PAPSS2: variants seen among roughly 807,000 people sequenced by gnomAD.
PAPSS2 encodes the protein bifunctional 3'-phosphoadenosine 5'-phosphosulfate synthase 2.
PAPSS2 carries 61 observed loss-of-function variants against 66.5 expected under a neutral mutation model. The observed-to-expected ratio is 0.92, with a 90% CI of 0.75 to 1.14. PAPSS2 has a LOEUF of 1.14. PAPSS2 is among the 50% of genes most tolerant of loss of function. The pLI, the probability that PAPSS2 is intolerant of heterozygous loss-of-function variation, is 0.00. For missense variants in PAPSS2, 708 were observed against 789.6 expected, an observed-to-expected ratio of 0.90 and a Z score of 1.24; for synonymous variants, 289 against 287.5, an observed-to-expected ratio of 1.01 and a Z score of -0.05.
In PAPSS2 at chr10:87,743,441, C is replaced by T. The variant is rs529057056; in HGVS notation, c.1291C>T (p.Arg431Cys). Residue 431 changes from arginine to cysteine, a missense_variant, in exon 11 of 13, where the codon CGC becomes TGC. Arg to Cys is a radical substitution (Grantham distance 180, BLOSUM62 -3). Transcript: ENST00000456849. ...NGHALLMQDT[R>C]RRLLERGYKH... ...CCATGCCCTGTTGATGCAGGACACT[C>T]GCCGCAGGCTCCTAGAGAGGGGCTA... is the stretch of plus-strand genomic sequence containing the variant. The T allele has an allele frequency of 1.0e-4, 162 of 1,614,110 alleles. No individual in the cohort carries two copies. The Middle Eastern group carries it at 3.0e-3, about 30-fold the overall frequency.
At chr10:87,690,486 C>T (rs1182667381) in intron 1 of PAPSS2, among the ~76,000 whole-genome samples, 3 of 152,188 alleles carry the variant, frequency 2.0e-5, no homozygotes, top group Non-Finnish European at 4.4e-5. Context: ...GGCAGCATGG[C>T]TTCTGCATAC....
chr10:87,678,355 C>T (rs1178279888), intron 1 of PAPSS2, among the ~76,000 whole-genome samples: 1 of 152,034 alleles, frequency 6.6e-6, no homozygotes, highest in Non-Finnish European at 1.5e-5. Flanking sequence ...GAAGAAAACA[C>T]AGGGAAAACA....
chr10:87,680,042 A>AG (rs930940040), intron 1 of PAPSS2, among the ~76,000 whole-genome samples: 1 of 151,606 alleles, frequency 6.6e-6, no homozygotes, highest in African/African-American at 2.4e-5. Flanking sequence ...AAAAAAAAAA[A>AG]AGTCACTCTC....
intron 7 of PAPSS2, among the ~76,000 whole-genome samples, chr10:87,716,204 G>A (rs1220802562): frequency 8.5e-5 from 13 of 152,154 alleles, no homozygotes; most frequent in Admixed American, 5.9e-4. Flanking sequence ...GATGAGGTCA[G>A]CACATGTTGC....
chr10:87,741,250 G>T lies in PAPSS2; in HGVS notation c.1102G>T (p.Gly368Trp), dbSNP rs773564725. ...HPHIKMVMES[G>W]DWLVGGDLQV... is the part of the protein sequence containing the mutation. ...TTCTTTCTAGATGGTGATGGAAAGT[G>T]GGGACTGGCTGGTTGGTGGAGACCT... The change falls in exon 10 of 13, where the codon GGG becomes TGG. Residue 368 changes from glycine (G) to tryptophan (W), a missense_variant. Physicochemically the swap from Gly to Trp is radical, Grantham distance 184. Coordinates refer to ENST00000456849, the MANE Select transcript of PAPSS2 (RefSeq NM_001015880.2). 1.7e-5 allele frequency: 28 copies of T among 1,613,582 alleles called. No homozygotes were observed. The highest frequency in any genetic ancestry group is 2.2e-5 in the Non-Finnish European group (26 of 1,179,586).
chr10:87,679,967 A>G (rs969854155), intron 1 of PAPSS2, among the ~76,000 whole-genome samples: 1 of 151,238 alleles, frequency 6.6e-6, no homozygotes, highest in Non-Finnish European at 1.5e-5. Context: ...TCAAGGCTGC[A>G]GTGAGCCACC....
chr10:87,663,454 G>A (rs1852779948), intron 1 of PAPSS2, among the ~76,000 whole-genome samples: 1 of 151,988 alleles, frequency 6.6e-6, no homozygotes, highest in Admixed American at 6.6e-5. Flanking sequence ...ACTACCGAAG[G>A]CAAGACATGA....
At chr10:87,711,740 C>T (rs1261571420) in intron 2 of PAPSS2, among the ~76,000 whole-genome samples, 1 of 152,088 alleles carries the variant, frequency 6.6e-6, no homozygotes, top group Non-Finnish European at 1.5e-5. Context: ...TGCAGATCAC[C>T]TTCCCCCCCA....
rs185419577 is a variant in PAPSS2, at chr10:87,746,924, C to T, written c.*954C>T. ...CAGGTGAACAAACTGTGATGATGCA[C>T]ATGTATGTGTTTTGTAAGCTGTGAG... On this transcript the variant is annotated 3_prime_UTR_variant, in exon 13 of 13. Coordinates refer to ENST00000456849, the MANE Select transcript of PAPSS2 (RefSeq NM_001015880.2). The T allele has an allele frequency of 2.2e-4, 34 of 152,264 alleles. No individual in the cohort carries two copies. The East Asian group carries it at 6.0e-3, about 27-fold the overall frequency. 9.4% of individuals were successfully genotyped at this position (152,264 alleles called of 1,614,324 possible). A position where few individuals can be genotyped will look rare whatever the true frequency, so the allele number is the denominator to read the frequency against.
chr10:87,708,638 G>T (rs1589433038), intron 1 of PAPSS2, among the ~76,000 whole-genome samples: 1 of 152,238 alleles, frequency 6.6e-6, no homozygotes, highest in South Asian at 2.1e-4. Flanking sequence ...AAAAGGTCAT[G>T]CAACCAGAAC....
intron 2 of PAPSS2, among the ~76,000 whole-genome samples, chr10:87,712,020 G>T (rs1564720533): frequency 6.6e-6 from 1 of 152,020 alleles, no homozygotes; most frequent in Non-Finnish European, 1.5e-5. Flanking sequence ...ATTTTGGCAG[G>T]TTGTGTTTCT....
intron 9 of PAPSS2, among the ~76,000 whole-genome samples, chr10:87,738,610 A>C (rs1013893268): frequency 6.6e-6 from 1 of 152,140 alleles, no homozygotes; most frequent in African/African-American, 2.4e-5. Context: ...GGGTTTTACC[A>C]TGTTGCCCAG....
chr10:87,745,805 G>A (rs1204725223), intron 12 of PAPSS2, 27 bp from the exon 13 acceptor site: 2 of 1,613,440 alleles, frequency 1.2e-6, no homozygotes, highest in Non-Finnish European at 1.7e-6. Context: ...TACCTACACT[G>A]AGTTCTTTGT....
intron 7 of PAPSS2, among the ~76,000 whole-genome samples, chr10:87,717,746 G>A (rs1853549307): frequency 1.3e-5 from 2 of 151,962 alleles, no homozygotes; most frequent in African/African-American, 4.8e-5. Flanking sequence ...AATTTGTTTT[G>A]TAGAGATAAG....
At position 87,738,686 on chromosome 10, in the gene PAPSS2, A is replaced by C. The variant is rs143189620; in HGVS notation, c.1087-2549A>C. 3.7e-3 allele frequency among the ~76,000 whole-genome samples: 563 copies of C among 152,320 alleles called. 5 individuals carry two copies. Among genetic ancestry groups the C allele is most frequent in the Non-Finnish European group, 5.7e-3 (391 of 68,030 alleles). On this transcript the variant is annotated intron_variant, in intron 9 of 12. Coordinates refer to ENST00000456849, the MANE Select transcript of PAPSS2 (RefSeq NM_001015880.2). ...GGCTCATGCTGGGATTACAGGCGTGAGCCACTGTGCCCAGCCATTTTCTGT... is the reference window on the plus strand; with the variant it reads ...GGCTCATGCTGGGATTACAGGCGTGCGCCACTGTGCCCAGCCATTTTCTGT...
At chr10:87,676,116 C>G (rs1852943418) in intron 1 of PAPSS2, among the ~76,000 whole-genome samples, 1 of 151,690 alleles carries the variant, frequency 6.6e-6, no homozygotes, top group African/African-American at 2.4e-5. Context: ...CTATCCTTGT[C>G]CTGTTTTACC....
intron 1 of PAPSS2, among the ~76,000 whole-genome samples, chr10:87,662,127 G>T (rs117560056): frequency 2.6e-5 from 4 of 152,296 alleles, no homozygotes; most frequent in South Asian, 2.1e-4. Flanking sequence ...ATCTTTTACG[G>T]TCTTATAGGA....
In PAPSS2 at chr10:87,746,028, T is replaced by A. The variant is rs1853934394; in HGVS notation, c.*58T>A. The A allele has an allele frequency of 1.3e-6, 2 of 1,515,724 alleles. No homozygotes were observed. The highest frequency in any genetic ancestry group is 2.7e-5 in the African/African-American group (2 of 72,810). The allele number at this position is 1,515,724 out of a possible 1,614,324, so 93.9% of individuals were successfully genotyped here. A position where few individuals can be genotyped will look rare whatever the true frequency, so the allele number is the denominator to read the frequency against. Reference sequence around the variant, plus strand: ...TCTTTGATTACCTTTTCTATTTTTATGATTAGATGCTTTGTATTAAATTGC... The same window carrying A: ...TCTTTGATTACCTTTTCTATTTTTAAGATTAGATGCTTTGTATTAAATTGC... On this transcript the variant is annotated 3_prime_UTR_variant, in exon 13 of 13. Transcript: ENST00000456849.
At chr10:87,720,697 C>T (rs1024728059) in intron 7 of PAPSS2, among the ~76,000 whole-genome samples, 1 of 151,716 alleles carries the variant, frequency 6.6e-6, no homozygotes, top group Non-Finnish European at 1.5e-5. Context: ...TTATATTTTC[C>T]CCTAAATTTA....
Sources: gnomAD v4.1 joint callset for allele counts (sites outside exome capture counted in the v4.1 genomes callset) on GRCh38, gnomAD v4.1.1 for gene constraint, MANE v1.5 for transcripts, NCBI Gene and HGNC (gene_info 2026-07-23, HGNC 2026-07-21) for gene names.